Variants in PCCA observed in about 807,000 individuals in gnomAD.
The protein encoded by PCCA is propionyl-CoA carboxylase alpha chain, mitochondrial.
In PCCA, 74 loss-of-function variants were observed where a neutral mutation model predicts 101.3. The observed-to-expected ratio is 0.73, with a 90% CI of 0.61 to 0.89. PCCA has a LOEUF of 0.89. Among genes scored for constraint, PCCA ranks in the 40% least tolerant of loss-of-function variants. The pLI is 0.00. For missense variants in PCCA, 891 were observed against 907.0 expected (o/e 0.98, Z 0.23); for synonymous variants, 294 against 313.6 (o/e 0.94, Z 0.66).
intron 13 of PCCA, among the ~76,000 whole-genome samples, chr13:100,302,207 A>G (rs1181150468): frequency 6.6e-6 from 1 of 152,206 alleles, no homozygotes; most frequent in Non-Finnish European, 1.5e-5. Flanking sequence ...AAATGACTAA[A>G]ACAAGAATGC....
At chr13:100,499,575 AG>A (rs1434936022) in intron 21 of PCCA, among the ~76,000 whole-genome samples, 1 of 152,230 alleles carries the variant, frequency 6.6e-6, no homozygotes, top group African/African-American at 2.4e-5. Context: ...TGTCTTATTA[AG>A]GCGGTTCCAG....
intron 18 of PCCA, among the ~76,000 whole-genome samples, chr13:100,354,974 A>G (rs2073812702): frequency 6.6e-6 from 1 of 152,210 alleles, no homozygotes; most frequent in African/African-American, 2.4e-5. Flanking sequence ...GACCAATATC[A>G]TCATGATTCC....
At chr13:100,506,662 G>C (rs533634385) in intron 21 of PCCA, among the ~76,000 whole-genome samples, 1 of 152,128 alleles carries the variant, frequency 6.6e-6, no homozygotes, top group Non-Finnish European at 1.5e-5. Context: ...TCCAACCTGG[G>C]GGGGACTGAG....
At chr13:100,397,872 CAT>C (rs2077125392) in intron 19 of PCCA, among the ~76,000 whole-genome samples, 1 of 152,186 alleles carries the variant, frequency 6.6e-6, no homozygotes, top group East Asian at 1.9e-4. Context: ...TGTAAATAAC[CAT>C]AGACAAACTT....
intron 12 of PCCA, among the ~76,000 whole-genome samples, chr13:100,287,540 T>C (rs1030643220): frequency 6.6e-6 from 1 of 152,180 alleles, no homozygotes; most frequent in East Asian, 1.9e-4. Flanking sequence ...CATATTTCAA[T>C]CTGAAAGAGT....
chr13:100,447,894 A>G lies in PCCA; in HGVS notation c.1846-1358A>G, dbSNP rs563834472. Among the ~76,000 whole-genome samples the G allele has an allele frequency of 3.3e-5, 5 of 152,342 alleles. 1 individual carries two copies. Among genetic ancestry groups the G allele is most frequent in the African/African-American group, 1.2e-4 (5 of 41,586 alleles). ...GAACCGAGGACTCAGCTTGATTTCTAGAGGTTCACTCTGGGTTCTATTACT... is the reference window on the plus strand; with the variant it reads ...GAACCGAGGACTCAGCTTGATTTCTGGAGGTTCACTCTGGGTTCTATTACT... On this transcript the variant is annotated intron_variant, in intron 20 of 23. Transcript: ENST00000376285.
intron 6 of PCCA, among the ~76,000 whole-genome samples, chr13:100,174,727 C>CAAA (rs35584409): frequency 1.2e-5 from 1 of 80,832 alleles, no homozygotes; most frequent in Non-Finnish European, 2.4e-5. Flanking sequence ...GACCCCATCT[C>CAAA]AAAAAAAAAA....
At chr13:100,147,605 G>A (rs2052739199) in intron 4 of PCCA, among the ~76,000 whole-genome samples, 1 of 152,180 alleles carries the variant, frequency 6.6e-6, no homozygotes, top group Admixed American at 6.5e-5. Flanking sequence ...ATATATGCCT[G>A]TGTATTTATG....
rs1199507615 is a variant in PCCA, at chr13:100,175,423, G to A, written c.468+18083G>A. On this transcript the variant is annotated intron_variant, in intron 6 of 23. Transcript: ENST00000376285. ...GATGAAATGTAAGCAATTTATATTT[G>A]TCTTAACTTTCCATCTATAAGGTAG... Among the ~76,000 whole-genome samples the A allele has an allele frequency of 2.0e-5, 3 of 152,184 alleles. No homozygotes were observed. In the East Asian group the frequency reaches 5.8e-4, roughly 29 times the overall value.
chr13:100,202,285 A>G (rs1259561026), intron 6 of PCCA, among the ~76,000 whole-genome samples: 5 of 151,964 alleles, frequency 3.3e-5, no homozygotes, highest in Non-Finnish European at 5.9e-5. Context: ...AGTGAACTAT[A>G]ATGGCACCCC....
chr13:100,113,568 C>T (rs1347514947), intron 4 of PCCA, among the ~76,000 whole-genome samples: 2 of 147,306 alleles, frequency 1.4e-5, no homozygotes, highest in Non-Finnish European at 3.0e-5. Context: ...TGTCTTTACT[C>T]TTTGACTCTT....
At chr13:100,182,696 G>A (rs370275791) in intron 6 of PCCA, among the ~76,000 whole-genome samples, 58 of 152,098 alleles carry the variant, frequency 3.8e-4, no homozygotes, top group African/African-American at 1.4e-3. Context: ...TCTGGCTTGC[G>A]GCCCTGTTGG....
chr13:100,516,739 G>GTC (rs199694484), intron 22 of PCCA, among the ~76,000 whole-genome samples: 2,907 of 129,062 alleles, frequency 0.023, 108 homozygotes, highest in African/African-American at 0.075. Flanking sequence ...AAAATTACGT[G>GTC]TGTGTGTGTG....
At chr13:100,494,989 T>G (rs185379884) in intron 21 of PCCA, among the ~76,000 whole-genome samples, 2 of 152,256 alleles carry the variant, frequency 1.3e-5, no homozygotes, top group African/African-American at 4.8e-5. Flanking sequence ...CAACACAGAC[T>G]CAGAGAAATT....
At chr13:100,265,193 G>A (rs940171063) in intron 10 of PCCA, among the ~76,000 whole-genome samples, 10 of 152,292 alleles carry the variant, frequency 6.6e-5, no homozygotes, top group Middle Eastern at 3.4e-3. Flanking sequence ...GAATTATAGT[G>A]AAGTCAAGTT....
chr13:100,372,506 T>C (rs2075637046), intron 19 of PCCA, among the ~76,000 whole-genome samples: 1 of 152,202 alleles, frequency 6.6e-6, no homozygotes, highest in Non-Finnish European at 1.5e-5. Flanking sequence ...AACACTTCTA[T>C]ATATGAAAGG....
chr13:100,181,615 G>A (rs907654451), intron 6 of PCCA, among the ~76,000 whole-genome samples: 1 of 151,830 alleles, frequency 6.6e-6, no homozygotes, highest in Non-Finnish European at 1.5e-5. Flanking sequence ...TAGAGATGTG[G>A]TCTCGCCATG....
chr13:100,458,436 C>T (rs566459630), intron 21 of PCCA, among the ~76,000 whole-genome samples: 83 of 66,416 alleles, frequency 1.2e-3, no homozygotes, highest in Admixed American at 5.2e-3. Flanking sequence ...CACACACACA[C>T]ACATACACAC....
intron 23 of PCCA, among the ~76,000 whole-genome samples, chr13:100,529,499 G>A (rs1437581273): frequency 6.6e-6 from 1 of 152,118 alleles, no homozygotes; most frequent in African/African-American, 2.4e-5. Flanking sequence ...GATAAAGATT[G>A]ACTGAAACCG....
Sources: allele counts gnomAD v4.1 joint callset (sites outside exome capture counted in the v4.1 genomes callset), GRCh38; gene constraint gnomAD v4.1.1; transcripts MANE v1.5; gene names NCBI Gene and HGNC (gene_info 2026-07-23, HGNC 2026-07-21).